Variants in DSCAM observed in about 807,000 individuals in gnomAD.
DSCAM encodes cell adhesion molecule DSCAM.
DSCAM carries 47 observed loss-of-function variants against 217.7 expected under a neutral mutation model. That is an observed-to-expected ratio of 0.22 (90% CI 0.17 to 0.28). The LOEUF is 0.28. Ranked by LOEUF, DSCAM falls within the 10% of genes least tolerant of loss-of-function variation. The pLI is 1.00. For missense variants in DSCAM, 2,080 were observed against 2,618.3 expected (o/e 0.79, Z 4.49); for synonymous variants, 1,056 against 1,015.3 (o/e 1.04, Z -0.76).
At chr21:40,426,414 G>A (rs953929001) in intron 3 of DSCAM, among the ~76,000 whole-genome samples, 1 of 152,146 alleles carries the variant, frequency 6.6e-6, no homozygotes, top group Admixed American at 6.5e-5. Flanking sequence ...ACGAGTGGAC[G>A]TTGCCTGCTG....
In DSCAM at chr21:40,285,998, G is replaced by GAGCA. The variant is rs1255456264; in HGVS notation, c.2183-9729_2183-9728insTGCT. ...GGAAGAGGTCAAAACCATGGGTGTG[G>GAGCA]AGTCTTGGGGTGCTCTAAACAACAC... is the stretch of plus-strand genomic sequence containing the variant. On this transcript the variant is annotated intron_variant, in intron 10 of 32. Transcript: ENST00000400454. 3.3e-5 allele frequency among the ~76,000 whole-genome samples: 5 copies of GAGCA among 152,192 alleles called. No homozygotes were observed. In the East Asian group the frequency reaches 9.7e-4, roughly 30 times the overall value.
In DSCAM at chr21:40,493,071, G is replaced by A. The variant is rs148015757; in HGVS notation, c.509-123826C>T. On this transcript the variant is annotated intron_variant, in intron 3 of 32. Coordinates refer to ENST00000400454, the MANE Select transcript of DSCAM (RefSeq NM_001389.5). ...GAAACCTTACAAACCAGGAGGAGGT[G>A]GGATGATACATGCAGAATGCTGAAA... 2.4e-3 allele frequency among the ~76,000 whole-genome samples: 361 copies of A among 152,250 alleles called. 6 individuals carry two copies. The highest frequency in any genetic ancestry group is 0.022 in the Admixed American group (339 of 15,294).
In DSCAM at chr21:40,041,424, C is replaced by T. The variant is rs1405889007; in HGVS notation, c.5686+947G>A. ...TGGTTTACAAATATCCAAGCCAACACTAAAAAGCTGTGAATTTCCATATAA... is the reference window on the plus strand; with the variant it reads ...TGGTTTACAAATATCCAAGCCAACATTAAAAAGCTGTGAATTTCCATATAA... On this transcript the variant is annotated intron_variant, in intron 32 of 32. Transcript: ENST00000400454. Among the ~76,000 whole-genome samples, 3 of 152,190 alleles carry T rather than the reference C, an allele frequency of 2.0e-5. No homozygotes were observed. In the East Asian group the frequency reaches 5.8e-4, roughly 29 times the overall value.
At chr21:40,477,364 T>C (rs1304351249) in intron 3 of DSCAM, among the ~76,000 whole-genome samples, 1 of 152,040 alleles carries the variant, frequency 6.6e-6, no homozygotes, top group East Asian at 1.9e-4. Context: ...AAAAAGGAGA[T>C]AGTTAAAAAA....
intron 3 of DSCAM, among the ~76,000 whole-genome samples, chr21:40,604,878 T>G (rs2089211683): frequency 6.6e-6 from 1 of 152,192 alleles, no homozygotes; most frequent in African/African-American, 2.4e-5. Context: ...TTGTTTGTTT[T>G]TTAGCTTTTC....
chr21:40,406,974 T>TACCTG (rs972517444), intron 3 of DSCAM, among the ~76,000 whole-genome samples: 3 of 152,118 alleles, frequency 2.0e-5, no homozygotes, highest in Admixed American at 6.6e-5. Context: ...GAATGGTGGT[T>TACCTG]ACCTGGGGCT....
At chr21:40,701,576 ATTTT>A (rs911431496) in intron 2 of DSCAM, among the ~76,000 whole-genome samples, 9 of 151,656 alleles carry the variant, frequency 5.9e-5, no homozygotes, top group African/African-American at 2.2e-4. Context: ...AAATCTCCCT[ATTTT>A]TTTAGTGGCA....
intron 3 of DSCAM, among the ~76,000 whole-genome samples, chr21:40,423,378 G>A (rs1280335069): frequency 6.6e-6 from 1 of 152,178 alleles, no homozygotes; most frequent in Non-Finnish European, 1.5e-5. Flanking sequence ...GAACATGTAT[G>A]TAAACGGTGT....
intron 3 of DSCAM, among the ~76,000 whole-genome samples, chr21:40,660,331 A>C (rs1020550409): frequency 6.6e-5 from 10 of 152,210 alleles, no homozygotes; most frequent in Non-Finnish European, 1.2e-4. Context: ...GGAGGGAGAG[A>C]GGTAGGGAGG....
intron 18 of DSCAM, among the ~76,000 whole-genome samples, chr21:40,138,779 G>A (rs2090248126): frequency 7.0e-6 from 1 of 143,056 alleles, no homozygotes; most frequent in South Asian, 2.3e-4. Flanking sequence ...TGCAGTGTAT[G>A]GGGGGTATGT....
At chr21:40,531,317 G>A (rs144311471) in intron 3 of DSCAM, among the ~76,000 whole-genome samples, 2 of 152,234 alleles carry the variant, frequency 1.3e-5, no homozygotes, top group Non-Finnish European at 2.9e-5. Flanking sequence ...TGGGTACACC[G>A]TTCCAGCCAC....
intron 1 of DSCAM, among the ~76,000 whole-genome samples, chr21:40,838,438 T>C (rs1012713107): frequency 1.3e-5 from 2 of 152,204 alleles, no homozygotes; most frequent in Non-Finnish European, 2.9e-5. Context: ...GGTGACTCCA[T>C]GATAATGCTG....
chr21:40,465,895 T>C (rs952607556), intron 3 of DSCAM, among the ~76,000 whole-genome samples: 2 of 145,288 alleles, frequency 1.4e-5, no homozygotes, highest in Admixed American at 7.0e-5. Flanking sequence ...AAAAAAAAAA[T>C]ATTTTCAGCA....
chr21:40,115,280 T>C (rs1001401418), intron 20 of DSCAM, among the ~76,000 whole-genome samples: 14 of 152,084 alleles, frequency 9.2e-5, no homozygotes, highest in Admixed American at 6.5e-4. Flanking sequence ...TGGAAGAAGC[T>C]GGAAACCATC....
chr21:40,381,062 C>CAAAAAAA (rs71186932), intron 3 of DSCAM, among the ~76,000 whole-genome samples: 120 of 65,716 alleles, frequency 1.8e-3, no homozygotes, highest in East Asian at 2.4e-3. Context: ...GACTCCGTCT[C>CAAAAAAA]AAAAAAAAAA....
At chr21:40,506,247 A>T (rs2076209691) in intron 3 of DSCAM, among the ~76,000 whole-genome samples, 1 of 152,230 alleles carries the variant, frequency 6.6e-6, no homozygotes. Flanking sequence ...AATGACACTC[A>T]TCCCACCTGA....
In DSCAM at chr21:40,547,711, A is replaced by G. The variant is rs140274382; in HGVS notation, c.508+145099T>C. 5.6e-3 allele frequency among the ~76,000 whole-genome samples: 850 copies of G among 152,266 alleles called. 7 individuals carry two copies. Among genetic ancestry groups the G allele is most frequent in the African/African-American group, 0.019 (808 of 41,566 alleles). On this transcript the variant is annotated intron_variant, in intron 3 of 32. Transcript: ENST00000400454. ...CAGGGGACCTCTTCCAGCCTTCAGC[A>G]CAGGGAGGAGAGGAAACAAGATGTC...
At chr21:40,228,515 T>C (rs531291820) in intron 11 of DSCAM, among the ~76,000 whole-genome samples, 48 of 152,284 alleles carry the variant, frequency 3.2e-4, no homozygotes, top group African/African-American at 1.2e-3. Context: ...ACCGCCTTAT[T>C]TGTTCTGTTG....
At chr21:40,457,180 CT>C (rs2075770516) in intron 3 of DSCAM, among the ~76,000 whole-genome samples, 1 of 152,166 alleles carries the variant, frequency 6.6e-6, no homozygotes, top group African/African-American at 2.4e-5. Flanking sequence ...ATAATTTCAT[CT>C]CTGGCCATAG....
Sources: allele counts gnomAD v4.1 joint callset (sites outside exome capture counted in the v4.1 genomes callset), GRCh38; gene constraint gnomAD v4.1.1; transcripts MANE v1.5; gene names NCBI Gene and HGNC (gene_info 2026-07-23, HGNC 2026-07-21).